ANO6: variants seen among roughly 807,000 people sequenced by gnomAD.
ANO6 encodes anoctamin 6, also known as anoctamin-6.
A neutral mutation model predicts 117.5 loss-of-function variants in ANO6; 106 were observed. The ratio of observed to expected loss-of-function variants is 0.90; its 90% CI spans 0.77 to 1.06. The LOEUF (loss-of-function observed/expected upper bound fraction) is 1.06, where lower values mean the gene tolerates loss of function less well. Among genes scored for constraint, ANO6 ranks in the 50% least tolerant of loss-of-function variants. The pLI is 0.00. For synonymous variants in ANO6, 367 were observed against 385.1 expected (o/e 0.95, Z 0.55); for missense variants, 955 against 1,121.1 (o/e 0.85, Z 2.12).
intron 1 of ANO6, chr12:45,256,355 A>G (rs1333636580): frequency 1.3e-5 from 2 of 152,156 alleles, no homozygotes; most frequent in Non-Finnish European, 2.9e-5. Context: ...ATGGCAGTGC[A>G]GGTAATTTAT....
At chr12:45,433,304 C>A (rs1310339846), downstream of ANO6, among the ~76,000 whole-genome samples, 6 of 152,210 alleles carry the variant, frequency 3.9e-5, no homozygotes, top group African/African-American at 1.4e-4. Flanking sequence ...ATAGCATGCT[C>A]TGAATAAATA....
At chr12:45,292,123 T>A in intron 1 of ANO6, among the ~76,000 whole-genome samples, 1 of 152,246 alleles carries the variant, frequency 6.6e-6, no homozygotes, top group African/African-American at 2.4e-5. Context: ...CGAAGTATTA[T>A]TCTGTCATAG....
downstream of ANO6, among the ~76,000 whole-genome samples, chr12:45,436,537 G>C (rs974313359): frequency 1.3e-5 from 2 of 152,078 alleles, no homozygotes; most frequent in Non-Finnish European, 2.9e-5. Context: ...AGAAACCACA[G>C]GATCAACATG....
At chr12:45,436,262 G>GTA (rs1480183610), downstream of ANO6, among the ~76,000 whole-genome samples, 1 of 152,156 alleles carries the variant, frequency 6.6e-6, no homozygotes, top group Non-Finnish European at 1.5e-5. Context: ...ACCAATCAGG[G>GTA]CATAGCTGAA....
chr12:45,251,771 G>A (rs1937633550), intron 1 of ANO6, among the ~76,000 whole-genome samples: 1 of 152,172 alleles, frequency 6.6e-6, no homozygotes, highest in African/African-American at 2.4e-5. Context: ...TTTTAAAGTT[G>A]ATATAGTCCC....
chr12:45,302,695 T>A (rs1472657418), intron 2 of ANO6, among the ~76,000 whole-genome samples: 1 of 152,222 alleles, frequency 6.6e-6, no homozygotes, highest in African/African-American at 2.4e-5. Context: ...ATGCCTTTTT[T>A]AAAGAAAATT....
intron 9 of ANO6, 68 bp from the exon 10 acceptor site, chr12:45,377,985 A>G: frequency 3.5e-6 from 5 of 1,433,512 alleles, no homozygotes; most frequent in South Asian, 1.1e-5. Context: ...TAGACAAAGC[A>G]TTTCATATTT....
chr12:45,234,674 T>TTAAA, intron 1 of ANO6, among the ~76,000 whole-genome samples: 1 of 152,322 alleles, frequency 6.6e-6, no homozygotes, highest in Non-Finnish European at 1.5e-5. Flanking sequence ...CCTGCCTGAG[T>TTAAA]TAAAACAGGC....
chr12:45,320,490 G>A (rs903808120), intron 2 of ANO6, among the ~76,000 whole-genome samples: 1 of 152,086 alleles, frequency 6.6e-6, no homozygotes, highest in Non-Finnish European at 1.5e-5. Flanking sequence ...GAGACAGTTT[G>A]TTATAATTTC....
intron 2 of ANO6, among the ~76,000 whole-genome samples, chr12:45,319,958 G>A (rs967924670): frequency 3.9e-5 from 6 of 152,098 alleles, no homozygotes; most frequent in Non-Finnish European, 7.3e-5. Flanking sequence ...GGGATTGGTG[G>A]TGATATCCCC....
At position 45,422,969 on chromosome 12, in the gene ANO6, C is replaced by T; in HGVS notation, c.2433C>T (p.Phe811=). Residue 811 remains phenylalanine, a synonymous_variant, in exon 19 of 20, where the codon TTC becomes TTT. Coordinates refer to ENST00000320560, the MANE Select transcript of ANO6 (RefSeq NM_001025356.3). The part of the protein sequence containing the change: ...GNHTTCRYRD[F]RYPPGHPQEY... Reference sequence around the variant, plus strand: ...ATTTTGTTTTCAGGTATCGTGATTTCCGATACCCACCTGGACACCCCCAGG... The same window carrying T: ...ATTTTGTTTTCAGGTATCGTGATTTTCGATACCCACCTGGACACCCCCAGG... 2 of 1,612,396 alleles carry T rather than the reference C, an allele frequency of 1.2e-6. No homozygotes were observed. The highest frequency in any genetic ancestry group is 1.7e-6 in the Non-Finnish European group (2 of 1,178,416).
At chr12:45,288,133 A>G (rs973076086) in intron 1 of ANO6, among the ~76,000 whole-genome samples, 4 of 152,170 alleles carry the variant, frequency 2.6e-5, no homozygotes, top group African/African-American at 7.2e-5. Context: ...CTGCTCACCC[A>G]TCTAGGTGTT....
intron 2 of ANO6, among the ~76,000 whole-genome samples, chr12:45,313,869 G>A (rs955265350): frequency 5.3e-5 from 8 of 151,996 alleles, no homozygotes; most frequent in African/African-American, 1.7e-4. Context: ...TTGAGTAAGC[G>A]ACTATTAGCT....
intron 3 of ANO6, chr12:45,335,701 G>A (rs1940804170): frequency 6.6e-6 from 1 of 151,900 alleles, no homozygotes; most frequent in South Asian, 2.1e-4. Context: ...CAAGCATTTT[G>A]GATAAGAGAT....
intron 17 of ANO6, 40 bp downstream of exon 17, chr12:45,416,944 A>T (rs768202719): frequency 1.3e-6 from 2 of 1,596,524 alleles, no homozygotes; most frequent in Non-Finnish European, 1.7e-6. Flanking sequence ...GACCTTGAAG[A>T]TGCATTAGAT....
chr12:45,339,217 G>T (rs1334974367), intron 3 of ANO6, among the ~76,000 whole-genome samples: 1 of 152,094 alleles, frequency 6.6e-6, no homozygotes, highest in East Asian at 1.9e-4. Context: ...CCTATGAGAA[G>T]TCACCTGGGT....
At chr12:45,238,199 G>C (rs1005944452) in intron 1 of ANO6, among the ~76,000 whole-genome samples, 9 of 144,996 alleles carry the variant, frequency 6.2e-5, no homozygotes, top group African/African-American at 2.1e-4. Context: ...CGCCCAGGCT[G>C]GAGTGCAGTG....
chr12:45,238,339 C>T (rs891551854), intron 1 of ANO6, among the ~76,000 whole-genome samples: 7 of 151,676 alleles, frequency 4.6e-5, no homozygotes, highest in African/African-American at 1.2e-4. Flanking sequence ...TTAGTAGAGA[C>T]GGGGTTTCAC....
chr12:45,217,599 T>C (rs991389524), intron 1 of ANO6, among the ~76,000 whole-genome samples: 3 of 152,184 alleles, frequency 2.0e-5, no homozygotes, highest in Non-Finnish European at 4.4e-5. Flanking sequence ...AGAGAGCAAA[T>C]AGTAGTAGTT....
Sources: gnomAD v4.1 joint callset for allele counts (sites outside exome capture counted in the v4.1 genomes callset) on GRCh38, gnomAD v4.1.1 for gene constraint, MANE v1.5 for transcripts, NCBI Gene and HGNC (gene_info 2026-07-23, HGNC 2026-07-21) for gene names.